RPS3: variants seen among roughly 807,000 people sequenced by gnomAD.
RPS3 encodes small ribosomal subunit protein uS3.
A neutral mutation model predicts 25.8 loss-of-function variants in RPS3; 2 were observed. The ratio of observed to expected loss-of-function variants is 0.08; its 90% CI spans 0.03 to 0.24. The LOEUF is 0.24. RPS3 is among the 10% of genes least tolerant of loss of function. The pLI, the probability that RPS3 is intolerant of heterozygous loss-of-function variation, is 1.00. For synonymous variants in RPS3, 114 were observed against 114.2 expected (o/e 1.00, Z 0.01); for missense variants, 107 against 307.1 (o/e 0.35, Z 4.87).
chr11:75,401,993 A>T, intron 3 of RPS3: 1 of 551,178 alleles, frequency 1.8e-6, no homozygotes, highest in Non-Finnish European at 3.2e-6. Context: ...TGGCATGGCC[A>T]AAGGAGCCAG....
intron 1 of RPS3, 95 bp from the exon 2 acceptor site, chr11:75,400,599 G>T (rs1158117574): frequency 6.4e-7 from 1 of 1,552,218 alleles, no homozygotes; most frequent in Non-Finnish European, 8.8e-7. Flanking sequence ...TTTAGTTTTG[G>T]TGAGGGATGC....
At chr11:75,399,748 A>T (rs1948176214) in intron 1 of RPS3, 171 bp downstream of exon 1, 1 of 608,874 alleles carries the variant, frequency 1.6e-6, no homozygotes, top group Admixed American at 3.2e-5. Context: ...GGCCCCAGCC[A>T]GGAGGGCGCT....
Position 75,399,535 on chromosome 11 carries a change from G to A in RPS3, c.-13G>A. On this transcript the variant is annotated 5_prime_UTR_variant, in exon 1 of 7. Transcript: ENST00000531188. ...AGCCACTTCCTTTCCTTTCAGCGGAGCGCGGCGGCAAGATGGCAGTGCAAA... is the reference window on the plus strand; with the variant it reads ...AGCCACTTCCTTTCCTTTCAGCGGAACGCGGCGGCAAGATGGCAGTGCAAA... 5 of 1,613,964 alleles carry A rather than the reference G, an allele frequency of 3.1e-6. No homozygotes were observed. Among genetic ancestry groups the A allele is most frequent in the Admixed American group, 1.7e-5 (1 of 60,018 alleles).
At chr11:75,415,059 G>GCTC (rs1324082472) in intron 6 of RPS3, among the ~76,000 whole-genome samples, 1 of 152,196 alleles carries the variant, frequency 6.6e-6, no homozygotes, top group African/African-American at 2.4e-5. Context: ...AGTCAGCCAT[G>GCTC]CTCCTCACTC....
chr11:75,421,129 A>G (rs1020265656), intron 6 of RPS3, among the ~76,000 whole-genome samples: 1 of 152,112 alleles, frequency 6.6e-6, no homozygotes, highest in Non-Finnish European at 1.5e-5. Flanking sequence ...CCCCTCCTCC[A>G]CTGCCATTAT....
intron 1 of RPS3, 29 bp from the exon 2 acceptor site, chr11:75,400,665 A>G (rs914629350): frequency 6.2e-7 from 1 of 1,607,166 alleles, no homozygotes; most frequent in Non-Finnish European, 8.5e-7. Context: ...CCGATCTCCT[A>G]ATTTTGAACT....
At chr11:75,413,630 T>G (rs1281058202) in intron 6 of RPS3, among the ~76,000 whole-genome samples, 4 of 152,200 alleles carry the variant, frequency 2.6e-5, no homozygotes, top group South Asian at 4.1e-4. Flanking sequence ...TTTTCCCAGA[T>G]GCTATTACCT....
downstream of RPS3, among the ~76,000 whole-genome samples, chr11:75,408,199 C>A (rs1424132713): frequency 1.3e-5 from 2 of 152,116 alleles, no homozygotes; most frequent in Admixed American, 1.3e-4. Flanking sequence ...CCCTGTGTAA[C>A]CATTTAAAAA....
chr11:75,420,896 C>T (rs1303872625), intron 6 of RPS3, among the ~76,000 whole-genome samples: 3 of 152,122 alleles, frequency 2.0e-5, no homozygotes, highest in Non-Finnish European at 2.9e-5. Context: ...GGCACGTGCA[C>T]GAAAGCGCAC....
At chr11:75,414,233 A>T (rs1188820991) in intron 6 of RPS3, among the ~76,000 whole-genome samples, 1 of 152,212 alleles carries the variant, frequency 6.6e-6, no homozygotes, top group Non-Finnish European at 1.5e-5. Flanking sequence ...CCATGTTGTG[A>T]AATTGTCCTT....
chr11:75,415,690 C>T (rs1948389911), intron 6 of RPS3, among the ~76,000 whole-genome samples: 1 of 151,816 alleles, frequency 6.6e-6, no homozygotes, highest in East Asian at 1.9e-4. Flanking sequence ...CCTGTAATTC[C>T]AGCTACTTGG....
downstream of RPS3, among the ~76,000 whole-genome samples, chr11:75,408,530 G>A (rs762204837): frequency 9.9e-5 from 15 of 152,210 alleles, no homozygotes; most frequent in South Asian, 2.1e-4. Flanking sequence ...GAAGATATGG[G>A]AGGCCAGGTG....
rs1008825796 is a variant in RPS3, at chr11:75,399,910, G to A, written c.30+333G>A. ...TCATTTCCCTCATGTCTTATCCCGT[G>A]GTTTTGGGAAGAGAAGGCAGCAGTG... On this transcript the variant is annotated intron_variant, in intron 1 of 6. Coordinates refer to ENST00000531188, the MANE Select transcript of RPS3 (RefSeq NM_001005.5). The A allele has an allele frequency of 1.7e-5, 7 of 413,814 alleles. No homozygotes were observed. In the South Asian group the frequency reaches 2.3e-4, roughly 13 times the overall value. The allele number at this position is 413,814 out of a possible 1,614,324, so 25.6% of individuals were successfully genotyped here. A position where few individuals can be genotyped will look rare whatever the true frequency, so the allele number is the denominator to read the frequency against.
At chr11:75,412,761 ATG>A (rs1379456604) in intron 6 of RPS3, among the ~76,000 whole-genome samples, 1 of 152,142 alleles carries the variant, frequency 6.6e-6, no homozygotes, top group African/African-American at 2.4e-5. Context: ...ATACTAATCT[ATG>A]TGTTTTTATT....
downstream of RPS3, among the ~76,000 whole-genome samples, chr11:75,409,764 G>A (rs1168411902): frequency 6.7e-5 from 10 of 149,478 alleles, no homozygotes; most frequent in Admixed American, 5.3e-4. Flanking sequence ...AGGGGCGGCC[G>A]GGCAGAAGTG....
intron 6 of RPS3, chr11:75,405,149 T>C: frequency 4.1e-6 from 1 of 246,788 alleles, no homozygotes; most frequent in South Asian, 1.0e-4. Context: ...AATTTTTGGC[T>C]CAGTGCAACC....
chr11:75,415,524 T>C (rs552947597), intron 6 of RPS3, among the ~76,000 whole-genome samples: 1 of 152,070 alleles, frequency 6.6e-6, no homozygotes, highest in Non-Finnish European at 1.5e-5. Context: ...AATACAAAAT[T>C]TAGCCGGGCA....
At chr11:75,413,134 G>A (rs555987041) in intron 6 of RPS3, among the ~76,000 whole-genome samples, 1 of 152,242 alleles carries the variant, frequency 6.6e-6, no homozygotes, top group South Asian at 2.1e-4. Context: ...AAACATGTTA[G>A]TCTATTCATA....
chr11:75,418,858 T>C (rs1178998802), intron 6 of RPS3, among the ~76,000 whole-genome samples: 1 of 152,098 alleles, frequency 6.6e-6, no homozygotes, highest in African/African-American at 2.4e-5. Context: ...AGTTCCACTG[T>C]GATATATGCA....
Sources: allele counts gnomAD v4.1 joint callset (sites outside exome capture counted in the v4.1 genomes callset), GRCh38; gene constraint gnomAD v4.1.1; transcripts MANE v1.5; gene names NCBI Gene and HGNC (gene_info 2026-07-23, HGNC 2026-07-21).